The following MCC variants were observed in gnomAD, a reference collection of about 807,000 sequenced individuals.
The protein encoded by MCC is MCC regulator of Wnt signaling pathway.
In MCC, 90 loss-of-function variants were observed where a neutral mutation model predicts 116.2. The observed-to-expected ratio is 0.77, with a 90% CI of 0.65 to 0.92. The LOEUF is 0.92. Ranked by LOEUF, MCC falls within the 40% of genes least tolerant of loss-of-function variation. The probability of loss-of-function intolerance (pLI) is 0.00; values close to 1 mark genes in which losing one functional copy is unlikely to be tolerated. For synonymous variants in MCC, 578 were observed against 510.5 expected (o/e 1.13, Z -1.78); for missense variants, 1,516 against 1,312.2 (o/e 1.16, Z -2.40).
chr5:113,383,914 C>T (rs1192770689), intron 2 of MCC, among the ~76,000 whole-genome samples: 2 of 152,038 alleles, frequency 1.3e-5, no homozygotes, highest in African/African-American at 4.8e-5. Flanking sequence ...ACAGGGACAA[C>T]CAACATGACC....
intron 2 of MCC, among the ~76,000 whole-genome samples, chr5:113,365,182 C>A (rs6594710): frequency 6.6e-6 from 1 of 152,080 alleles, no homozygotes; most frequent in African/African-American, 2.4e-5. Flanking sequence ...TTTTATGTCA[C>A]TTTTCTGCTC....
At chr5:113,068,058 G>C in intron 13 of MCC, 22 bp downstream of exon 13, 1 of 1,595,926 alleles carries the variant, frequency 6.3e-7, no homozygotes, top group Non-Finnish European at 8.6e-7. Context: ...AGAGGAGGAA[G>C]AGGGACTCTG....
intron 3 of MCC, among the ~76,000 whole-genome samples, chr5:113,329,383 TACAC>T (rs3068955): frequency 1.1e-3 from 161 of 150,204 alleles, no homozygotes; most frequent in African/African-American, 3.6e-3. Flanking sequence ...ACTATATATA[TACAC>T]ACACACACAC....
intron 2 of MCC, among the ~76,000 whole-genome samples, chr5:113,352,474 GC>G (rs1768295187): frequency 6.6e-6 from 1 of 151,694 alleles, no homozygotes; most frequent in Non-Finnish European, 1.5e-5. Flanking sequence ...CTTTCTGCTT[GC>G]CTGCCCTCCA....
chr5:113,071,856 C>G (rs1754065464), intron 11 of MCC, among the ~76,000 whole-genome samples: 1 of 152,120 alleles, frequency 6.6e-6, no homozygotes, highest in African/African-American at 2.4e-5. Context: ...GGAAACTTCC[C>G]CTGGTGGCCT....
intron 3 of MCC, among the ~76,000 whole-genome samples, chr5:113,324,227 T>G (rs1436276644): frequency 6.6e-6 from 1 of 152,184 alleles, no homozygotes; most frequent in African/African-American, 2.4e-5. Context: ...GGAAGGAGTT[T>G]CTACTTGCTA....
chr5:113,389,348 G>T (rs917963805), intron 1 of MCC, among the ~76,000 whole-genome samples: 1 of 152,068 alleles, frequency 6.6e-6, no homozygotes, highest in African/African-American at 2.4e-5. Context: ...CTTGAATCTG[G>T]GCTGGCCTTG....
chr5:113,468,554 C>G (rs1273308175), intron 1 of MCC, among the ~76,000 whole-genome samples: 3 of 152,246 alleles, frequency 2.0e-5, no homozygotes, highest in East Asian at 3.9e-4. Context: ...GGTGGATAAG[C>G]TTTTTGATGT....
chr5:113,129,301 A>C (rs974091951), intron 5 of MCC, among the ~76,000 whole-genome samples: 2 of 152,178 alleles, frequency 1.3e-5, no homozygotes, highest in Non-Finnish European at 2.9e-5. Context: ...GTCAGGAAGG[A>C]AAGAGGGCCT....
intron 3 of MCC, among the ~76,000 whole-genome samples, chr5:113,253,125 G>C (rs1764863984): frequency 6.6e-6 from 1 of 152,208 alleles, no homozygotes; most frequent in African/African-American, 2.4e-5. Flanking sequence ...ATGGACTAAA[G>C]ATTCGTATAG....
At chr5:113,292,375 A>G (rs975807751) in intron 3 of MCC, among the ~76,000 whole-genome samples, 1 of 152,240 alleles carries the variant, frequency 6.6e-6, no homozygotes, top group Non-Finnish European at 1.5e-5. Flanking sequence ...CAAGCAAAAA[A>G]TGAATGAGCA....
intron 3 of MCC, among the ~76,000 whole-genome samples, chr5:113,180,940 C>G (rs6594692): frequency 1 from 151,712 of 152,346 alleles, 75,544 homozygotes; most frequent in Middle Eastern, 1. Flanking sequence ...TCATTTATGT[C>G]TTTACAGTTT....
rs574334240 is a variant in MCC, at chr5:113,339,541, G to A, written c.627+978C>T. ...GTCGTATTTTCTTAGGCTTCTCTTAGCTGGACAGTTTCTCTTTATTAGACT... is the reference window on the plus strand; with the variant it reads ...GTCGTATTTTCTTAGGCTTCTCTTAACTGGACAGTTTCTCTTTATTAGACT... On this transcript the variant is annotated intron_variant, in intron 3 of 18. Transcript: ENST00000408903. 2.0e-5 allele frequency among the ~76,000 whole-genome samples: 3 copies of A among 152,064 alleles called. No homozygotes were observed. The South Asian group carries it at 6.2e-4, about 32-fold the overall frequency.
chr5:113,088,982 A>G (rs7737329), intron 8 of MCC, among the ~76,000 whole-genome samples: 69,471 of 151,938 alleles, frequency 0.46, 17,446 homozygotes, highest in African/African-American at 0.69. Flanking sequence ...TCTCTCTACA[A>G]AATATATATT....
chr5:113,034,742 C>G (rs537297984), intron 17 of MCC, among the ~76,000 whole-genome samples: 1 of 152,214 alleles, frequency 6.6e-6, no homozygotes, highest in South Asian at 2.1e-4. Context: ...TGACGTGGAT[C>G]ACTGAGCTCA....
At chr5:113,438,897 C>T (rs2150414733) in intron 1 of MCC, among the ~76,000 whole-genome samples, 1 of 152,100 alleles carries the variant, frequency 6.6e-6, no homozygotes, top group South Asian at 2.1e-4. Context: ...AGTAAATTGC[C>T]TAAGCTTATG....
Position 113,101,879 on chromosome 5 carries a change from G to A in MCC, c.1258C>T (p.Arg420Trp), listed in dbSNP as rs200347701. 2.0e-5 allele frequency: 32 copies of A among 1,613,674 alleles called. No homozygotes were observed. The highest frequency in any genetic ancestry group is 1.6e-4 in the Middle Eastern group (1 of 6,084). Residue 420 changes from arginine to tryptophan, a missense_variant, in exon 8 of 19, where the codon CGG becomes TGG. By Grantham distance (101) the Arg-to-Trp change is moderately radical (BLOSUM62 -3). Transcript: ENST00000408903. ...LYPNLAEERS[R>W]WEKELAGLRE... ...AGCCCAGCCAGCTCCTTCTCCCACCGAGACCTCTCTTCAGCCAGGTTGGGA... is the reference window on the plus strand; with the variant it reads ...AGCCCAGCCAGCTCCTTCTCCCACCAAGACCTCTCTTCAGCCAGGTTGGGA...
intron 1 of MCC, among the ~76,000 whole-genome samples, chr5:113,397,569 A>G (rs1240691449): frequency 6.6e-6 from 1 of 152,230 alleles, no homozygotes; most frequent in Non-Finnish European, 1.5e-5. Context: ...ATATTGAAAT[A>G]TAAGCTTTTT....
intron 3 of MCC, among the ~76,000 whole-genome samples, chr5:113,286,934 A>G (rs1156582207): frequency 1.3e-5 from 2 of 152,184 alleles, no homozygotes; most frequent in Non-Finnish European, 2.9e-5. Context: ...ATTGGCTAGA[A>G]AGACAGGGTA....
Sources: gnomAD v4.1 joint callset for allele counts (sites outside exome capture counted in the v4.1 genomes callset) on GRCh38, gnomAD v4.1.1 for gene constraint, MANE v1.5 for transcripts, NCBI Gene and HGNC (gene_info 2026-07-23, HGNC 2026-07-21) for gene names.